ICA1: variants seen among roughly 807,000 people sequenced by gnomAD.
The protein encoded by ICA1 is 69 kDa islet cell autoantigen.
ICA1 carries 40 observed loss-of-function variants against 71.0 expected under a neutral mutation model. The ratio of observed to expected loss-of-function variants is 0.56; its 90% CI spans 0.44 to 0.73. The LOEUF is 0.73. ICA1 is among the 30% of genes least tolerant of loss of function. The pLI, the probability that ICA1 is intolerant of heterozygous loss-of-function variation, is 0.00. For missense variants in ICA1, 578 were observed against 576.5 expected (o/e 1.00, Z -0.03); for synonymous variants, 207 against 209.5 (o/e 0.99, Z 0.10).
chr7:8,232,874 A>G, intron 2 of ICA1, 119 bp from the exon 3 acceptor site: 1 of 855,854 alleles, frequency 1.2e-6, no homozygotes. Flanking sequence ...CAACATTGAT[A>G]AACGTATGAG....
intron 13 of ICA1, among the ~76,000 whole-genome samples, chr7:8,120,997 A>C (rs1786701031): frequency 6.6e-6 from 1 of 152,220 alleles, no homozygotes; most frequent in Non-Finnish European, 1.5e-5. Flanking sequence ...TGACACCCAC[A>C]GTTCCCCCTC....
rs137977369 is a variant in ICA1 at position 8,168,337 on chromosome 7, T to C, written c.580-9685A>G. ...CACAGAACCCTTTCCATTTATCAGATACCACCTATTACATGCCATAACATT... is the reference window on the plus strand; with the variant it reads ...CACAGAACCCTTTCCATTTATCAGACACCACCTATTACATGCCATAACATT... On this transcript the variant is annotated intron_variant, in intron 6 of 13. Transcript: ENST00000402384. 2.6e-3 allele frequency among the ~76,000 whole-genome samples: 394 copies of C among 152,288 alleles called. 1 individual carries two copies. The highest frequency in any genetic ancestry group is 9.0e-3 in the African/African-American group (376 of 41,568).
chr7:8,147,759 A>G (rs1797531637), intron 8 of ICA1, among the ~76,000 whole-genome samples: 1 of 151,686 alleles, frequency 6.6e-6, no homozygotes, highest in African/African-American at 2.4e-5. Context: ...TTCAAATACC[A>G]TAGAATTCAC....
intron 6 of ICA1, among the ~76,000 whole-genome samples, chr7:8,206,574 A>C (rs1477734588): frequency 6.6e-6 from 1 of 152,218 alleles, no homozygotes; most frequent in Admixed American, 6.5e-5. Context: ...TAACCCGTGC[A>C]CATGGCACAA....
intron 10 of ICA1, among the ~76,000 whole-genome samples, chr7:8,141,120 AC>A (rs1795090159): frequency 6.6e-6 from 1 of 152,128 alleles, no homozygotes; most frequent in African/African-American, 2.4e-5. Context: ...AATCTATCAA[AC>A]CCTGTGTCCC....
At chr7:8,179,604 A>G (rs925328474) in intron 6 of ICA1, among the ~76,000 whole-genome samples, 1 of 152,216 alleles carries the variant, frequency 6.6e-6, no homozygotes, top group Non-Finnish European at 1.5e-5. Flanking sequence ...AAACTGCTAG[A>G]AAATTCTTCA....
intron 1 of ICA1, among the ~76,000 whole-genome samples, chr7:8,250,891 T>A (rs796089315): frequency 1.1e-4 from 16 of 152,308 alleles, no homozygotes; most frequent in African/African-American, 3.8e-4. Flanking sequence ...CTTAGGATAT[T>A]TTCTTTTATT....
intron 6 of ICA1, among the ~76,000 whole-genome samples, chr7:8,189,197 T>C (rs765580758): frequency 7.9e-5 from 12 of 152,322 alleles, no homozygotes; most frequent in Non-Finnish European, 1.5e-4. Context: ...TTTGACTGTA[T>C]TCCCACCAAG....
chr7:8,259,105 T>A (rs6463788), intron 1 of ICA1, among the ~76,000 whole-genome samples: 7,289 of 152,224 alleles, frequency 0.048, 549 homozygotes, highest in African/African-American at 0.16. Flanking sequence ...CACACTTATT[T>A]TAACAAGCCC....
chr7:8,123,903 G>A lies in ICA1; in HGVS notation c.1330+3970C>T, dbSNP rs563686186. On this transcript the variant is annotated intron_variant, in intron 13 of 13. Transcript: ENST00000402384. This position sits in a 1 kb window ranked among gnomAD's most constrained non-coding sequence, Gnocchi z 4.1. ...ATCCGGCCTGCCCGTTAACAGGAGT[G>A]TGATCTTGGGCACATCACTTAACCA... Among the ~76,000 whole-genome samples the A allele has an allele frequency of 3.9e-5, 6 of 152,232 alleles. No individual in the cohort carries two copies. Among genetic ancestry groups the A allele is most frequent in the Non-Finnish European group, 8.8e-5 (6 of 68,048 alleles).
intron 6 of ICA1, among the ~76,000 whole-genome samples, chr7:8,201,223 C>A (rs948152665): frequency 2.0e-5 from 3 of 152,194 alleles, no homozygotes; most frequent in Middle Eastern, 6.3e-3. Context: ...TTGTACTCTC[C>A]AGCTTCTGAC....
intron 1 of ICA1, among the ~76,000 whole-genome samples, chr7:8,252,101 T>G (rs1248686305): frequency 6.6e-6 from 1 of 152,150 alleles, no homozygotes; most frequent in Non-Finnish European, 1.5e-5. Context: ...AAAAAAGTAA[T>G]TTTAAAAGTT....
At chr7:8,170,796 G>C (rs962933532) in intron 6 of ICA1, among the ~76,000 whole-genome samples, 7 of 151,848 alleles carry the variant, frequency 4.6e-5, no homozygotes, top group African/African-American at 1.7e-4. Flanking sequence ...CTTTACTTCT[G>C]TTTTAATTTA....
Position 8,131,180 on chromosome 7 carries a change from A to G in ICA1, c.1061-3038T>C, listed in dbSNP as rs1004638306. ...GGCTCCCAGTGATAATGAAGTCAAC[A>G]CATAGAGGGAAACAGCCTCAAGAAG... On this transcript the variant is annotated intron_variant, in intron 12 of 13. Coordinates refer to ENST00000402384, the MANE Select transcript of ICA1 (RefSeq NM_001136020.3). Among the ~76,000 whole-genome samples, 282 of 152,338 alleles carry G rather than the reference A, an allele frequency of 1.9e-3. 1 individual carries two copies. Among genetic ancestry groups the G allele is most frequent in the African/African-American group, 6.4e-3 (264 of 41,570 alleles).
At chr7:8,204,619 A>G (rs1006661236) in intron 6 of ICA1, among the ~76,000 whole-genome samples, 2 of 152,184 alleles carry the variant, frequency 1.3e-5, no homozygotes, top group African/African-American at 4.8e-5. Context: ...ACATAAATAA[A>G]CCTATCACAT....
chr7:8,192,863 G>A (rs987366792), intron 6 of ICA1, among the ~76,000 whole-genome samples: 7 of 152,152 alleles, frequency 4.6e-5, no homozygotes, highest in African/African-American at 1.4e-4. Context: ...CATATTTGGC[G>A]AATGGGAGCC....
chr7:8,123,964 T>A lies in ICA1; in HGVS notation c.1330+3909A>T, dbSNP rs1341622893. 6.6e-6 allele frequency among the ~76,000 whole-genome samples: 1 copy of A among 152,162 alleles called. No individual in the cohort carries two copies. Among genetic ancestry groups the A allele is most frequent in the African/African-American group, 2.4e-5 (1 of 41,428 alleles). ...GTTTCCCAGGCAATAAAACGGATAA[T>A]AGTAGCTGGCTGGGAAGGGTACGGT... On this transcript the variant is annotated intron_variant, in intron 13 of 13. Transcript: ENST00000402384. The surrounding 1 kb of genome is among the most constrained non-coding windows in gnomAD (Gnocchi z 4.1).
At chr7:8,185,353 C>G (rs1254281263) in intron 6 of ICA1, among the ~76,000 whole-genome samples, 1 of 152,278 alleles carries the variant, frequency 6.6e-6, no homozygotes, top group East Asian at 1.9e-4. Flanking sequence ...TCCATTCACC[C>G]ATCCATGCAT....
rs149244035 is a variant in ICA1, at chr7:8,152,367, A to T, written c.804+4749T>A. Among the ~76,000 whole-genome samples, 950 of 152,086 alleles carry T rather than the reference A, an allele frequency of 6.2e-3. 9 individuals are homozygous for T. Among genetic ancestry groups the T allele is most frequent in the Non-Finnish European group, 9.1e-3 (619 of 67,948 alleles). On this transcript the variant is annotated intron_variant, in intron 8 of 13. Transcript: ENST00000402384. Reference sequence around the variant, plus strand: ...GATGCTTCGCATGGTTGTCTTCTGGATCTACTATAGAATTCATAGTAAGTA... The same window carrying T: ...GATGCTTCGCATGGTTGTCTTCTGGTTCTACTATAGAATTCATAGTAAGTA...
Sources: gnomAD v4.1 joint callset for allele counts (sites outside exome capture counted in the v4.1 genomes callset) on GRCh38, gnomAD v4.1.1 for gene constraint, Gnocchi (gnomAD v3.1) non-coding constraint, MANE v1.5 for transcripts, NCBI Gene and HGNC (gene_info 2026-07-23, HGNC 2026-07-21) for gene names.